ACSL3: variants seen among roughly 807,000 people sequenced by gnomAD.
The protein encoded by ACSL3 is acyl-CoA synthetase long chain family member 3, also known as fatty acid CoA ligase Acsl3.
In ACSL3, 34 loss-of-function variants were observed where a neutral mutation model predicts 84.7. The ratio of observed to expected loss-of-function variants is 0.40; its 90% confidence interval spans 0.31 to 0.53. The LOEUF is 0.53. ACSL3 is among the 20% of genes least tolerant of loss of function. The pLI is 0.48. For missense variants in ACSL3, 680 were observed against 873.1 expected (o/e 0.78, Z 2.79); for synonymous variants, 315 against 299.4 (o/e 1.05, Z -0.54).
At chr2:222,894,083 T>G (rs1392982283) in intron 2 of ACSL3, among the ~76,000 whole-genome samples, 1 of 152,226 alleles carries the variant, frequency 6.6e-6, no homozygotes, top group Non-Finnish European at 1.5e-5. Context: ...ATTAATAATA[T>G]TATTTAATAG....
At position 222,916,421 on chromosome 2, in the gene ACSL3, A is replaced by G. The variant is rs761067587; in HGVS notation, c.481A>G (p.Asn161Asp). The G allele has an allele frequency of 1.9e-6, 3 of 1,614,172 alleles. No individual in the cohort carries two copies. In the South Asian group the frequency reaches 3.3e-5, roughly 18 times the overall value. The change falls in exon 5 of 17, where the codon AAC becomes GAC. Residue 161 changes from asparagine to aspartate, a missense_variant. Transcript: ENST00000357430. Reference protein sequence around the residue: ...LQMLGQKPKTNIAIFCETRAE... With the variant: ...LQMLGQKPKTDIAIFCETRAE... ...GATGTTGGGTCAGAAACCAAAGACCAACATCGCCATCTTCTGTGAGACCAG... is the reference window on the plus strand; with the variant it reads ...GATGTTGGGTCAGAAACCAAAGACCGACATCGCCATCTTCTGTGAGACCAG...
intron 3 of ACSL3, among the ~76,000 whole-genome samples, chr2:222,901,547 A>G (rs1307418528): frequency 2.0e-5 from 3 of 152,136 alleles, no homozygotes. Context: ...TTTAATATCC[A>G]TGTGAATTTT....
At chr2:222,879,884 C>G (rs1695546844) in intron 1 of ACSL3, among the ~76,000 whole-genome samples, 1 of 151,844 alleles carries the variant, frequency 6.6e-6, no homozygotes, top group African/African-American at 2.4e-5. Flanking sequence ...AGAATAAAGA[C>G]CAATAATAAA....
At chr2:222,865,794 C>CTG (rs3219912) in intron 1 of ACSL3, among the ~76,000 whole-genome samples, 47,285 of 149,864 alleles carry the variant, frequency 0.32, 7,409 homozygotes, top group Non-Finnish European at 0.36. Flanking sequence ...TTTGGATCCT[C>CTG]TGTGTGTGTG....
rs1697376149 is a variant in ACSL3, at chr2:222,943,285, T to C, written c.*1631T>C. The C allele has an allele frequency of 5.0e-6, 1 of 199,750 alleles. No individual in the cohort carries two copies. The highest frequency in any genetic ancestry group is 2.3e-5 in the African/African-American group (1 of 43,482). 12.4% of individuals were successfully genotyped at this position (199,750 alleles called of 1,614,324 possible). A position where few individuals can be genotyped will look rare whatever the true frequency, so the allele number is the denominator to read the frequency against. On this transcript the variant is annotated 3_prime_UTR_variant, in exon 17 of 17. Coordinates refer to ENST00000357430, the MANE Select transcript of ACSL3 (RefSeq NM_004457.5). ...TTGTATTATGTTTTGAATGCTTTTC[T>C]CTTTTCATAATTAAATATTAATGTT...
In ACSL3 at chr2:222,886,101, G is replaced by A. The variant is rs140289836; in HGVS notation, c.-206-1729G>A. Among the ~76,000 whole-genome samples, 80 of 152,204 alleles carry A rather than the reference G, an allele frequency of 5.3e-4. No homozygotes were observed. In the East Asian group the frequency reaches 0.012, roughly 24 times the overall value. ...AAGTTCTGGGATACATGTGCAGAAC[G>A]TGCAGGTTTACATGTATACGTAGGT... On this transcript the variant is annotated intron_variant, in intron 1 of 16. Coordinates refer to ENST00000357430, the MANE Select transcript of ACSL3 (RefSeq NM_004457.5).
chr2:222,904,934 G>A (rs1367108986), intron 3 of ACSL3: 1 of 153,346 alleles, frequency 6.5e-6, no homozygotes, highest in African/African-American at 2.4e-5. Context: ...TGTGTCCCAG[G>A]AAACTACAGT....
At chr2:222,892,951 G>A (rs1205212977) in intron 2 of ACSL3, among the ~76,000 whole-genome samples, 2 of 152,102 alleles carry the variant, frequency 1.3e-5, no homozygotes, top group African/African-American at 2.4e-5. Context: ...TAGCAAATAC[G>A]GATTCCTTGA....
intron 11 of ACSL3, among the ~76,000 whole-genome samples, chr2:222,925,102 C>T (rs2106133169): frequency 6.6e-6 from 1 of 151,620 alleles, no homozygotes; most frequent in African/African-American, 2.4e-5. Flanking sequence ...TTTGGGAGGC[C>T]AAGGCGGGCA....
At chr2:222,917,857 A>G in intron 5 of ACSL3, 189 bp from the exon 6 acceptor site, 1 of 381,790 alleles carries the variant, frequency 2.6e-6, no homozygotes, top group Non-Finnish European at 4.6e-6. Context: ...TGGGGCATTT[A>G]GGGGAGGATG....
chr2:222,899,504 G>T (rs1366600765), intron 2 of ACSL3, among the ~76,000 whole-genome samples: 1 of 152,058 alleles, frequency 6.6e-6, no homozygotes, highest in Non-Finnish European at 1.5e-5. Flanking sequence ...TAAATAAAAA[G>T]AGAAAGATAA....
Position 222,937,267 on chromosome 2 carries a change from G to A in ACSL3, c.2005+2580G>A, listed in dbSNP as rs376587902. On this transcript the variant is annotated intron_variant, in intron 16 of 16. Transcript: ENST00000357430. ...TATAGACATGCAATTGATTTTTCGT[G>A]TTGATTTTTTTTATCCTGCAACTTT... Among the ~76,000 whole-genome samples the A allele has an allele frequency of 1.0e-3, 157 of 152,132 alleles. 1 individual carries two copies. Among genetic ancestry groups the A allele is most frequent in the South Asian group, 7.5e-3 (36 of 4,818 alleles).
intron 14 of ACSL3, among the ~76,000 whole-genome samples, chr2:222,932,518 G>A (rs370830398): frequency 1.5e-4 from 23 of 152,144 alleles, no homozygotes; most frequent in African/African-American, 4.6e-4. Context: ...TAGTAGAGTC[G>A]GGGTTTCACC....
chr2:222,930,959 T>C (rs1697016082), intron 14 of ACSL3, 147 bp downstream of exon 14: 2 of 672,702 alleles, frequency 3.0e-6, no homozygotes, highest in Non-Finnish European at 4.7e-6. Flanking sequence ...ATATAAAATA[T>C]TACGGACTGT....
chr2:222,912,954 A>T (rs2106121108), intron 4 of ACSL3, among the ~76,000 whole-genome samples: 1 of 152,352 alleles, frequency 6.6e-6, no homozygotes, highest in East Asian at 1.9e-4. Flanking sequence ...CATTGCACTA[A>T]CGTCGTCTTG....
At position 222,921,400 on chromosome 2, in the gene ACSL3, C is replaced by T; in HGVS notation, c.926C>T (p.Thr309Ile). 6.3e-7 allele frequency: 1 copy of T among 1,593,254 alleles called. No homozygotes were observed. Among genetic ancestry groups the T allele is most frequent in the Non-Finnish European group, 8.6e-7 (1 of 1,163,062 alleles). ...CATAGTAACATTATTGCTGGTATAA[C>T]TGGGATGGCAGAAAGGATTCCAGAA... ...ISHSNIIAGI[T>I]GMAERIPELG... The change falls in exon 8 of 17, where the codon ACT becomes ATT. Residue 309 changes from threonine to isoleucine, a missense_variant. Thr to Ile is a moderately conservative substitution (Grantham distance 89). This residue lies in a region of ACSL3 where 347 missense variants were observed against 525.7 expected (regional missense o/e 0.66). Coordinates refer to ENST00000357430, the MANE Select transcript of ACSL3 (RefSeq NM_004457.5).
chr2:222,874,113 C>G (rs62187235), intron 1 of ACSL3, among the ~76,000 whole-genome samples: 9 of 152,080 alleles, frequency 5.9e-5, no homozygotes, highest in African/African-American at 1.9e-4. Context: ...CCTCCATCTC[C>G]CGGATTCAGG....
intron 2 of ACSL3, among the ~76,000 whole-genome samples, chr2:222,892,841 A>T (rs527267746): frequency 6.6e-6 from 1 of 152,246 alleles, no homozygotes; most frequent in South Asian, 2.1e-4. Context: ...ATTAAATGAG[A>T]TAACATAAAA....
chr2:222,881,960 A>G (rs1024849137), intron 1 of ACSL3, among the ~76,000 whole-genome samples: 1 of 152,214 alleles, frequency 6.6e-6, no homozygotes, highest in Non-Finnish European at 1.5e-5. Context: ...GTTATGGTGT[A>G]TCATTCTTTT....
Sources: gnomAD v4.1 joint callset for allele counts (sites outside exome capture counted in the v4.1 genomes callset) on GRCh38, gnomAD v4.1.1 for gene constraint, gnomAD v4.1.1 regional missense constraint, MANE v1.5 for transcripts, NCBI Gene and HGNC (gene_info 2026-07-23, HGNC 2026-07-21) for gene names.